The following GSDME variants were observed in gnomAD, a reference collection of about 807,000 sequenced individuals.
GSDME encodes gasdermin E.
In GSDME, 44 loss-of-function variants were observed where a neutral mutation model predicts 47.5. The observed-to-expected ratio is 0.93, with a 90% CI of 0.73 to 1.19. The LOEUF (loss-of-function observed/expected upper bound fraction) is 1.19. Ranked by LOEUF, GSDME falls within the 50% of genes most tolerant of loss-of-function variation. GSDME has a pLI of 0.00. For missense variants in GSDME, 663 were observed against 604.2 expected, an observed-to-expected ratio of 1.10 and a Z score of -1.02; for synonymous variants, 258 against 252.8, an observed-to-expected ratio of 1.02 and a Z score of -0.20.
At chr7:24,795,174 C>A in the GSDME span, among the ~76,000 whole-genome samples, 1 of 152,162 alleles carries the variant, frequency 6.6e-6, no homozygotes, top group African/African-American at 2.4e-5. Context: ...GCCTACCGTG[C>A]GCTGCTCTGG....
At position 24,698,680 on chromosome 7, in the gene GSDME, C is replaced by G. The variant is rs144928530; in HGVS notation, c.*346G>C. On this transcript the variant is annotated 3_prime_UTR_variant, in exon 10 of 10. Coordinates refer to ENST00000645220, the MANE Select transcript of GSDME (RefSeq NM_001127453.2). ...AGACCTTTTGGATTAAAGGGTCAGA[C>G]TCTTTCTATGTAACAAAAAGTGGAA... 6.9e-4 allele frequency: 247 copies of G among 355,528 alleles called. 3 individuals are homozygous for G. In the East Asian group the frequency reaches 0.013, roughly 19 times the overall value. 22.0% of individuals were successfully genotyped at this position (355,528 alleles called of 1,614,324 possible). A position where few individuals can be genotyped will look rare whatever the true frequency, so the allele number is the denominator to read the frequency against.
rs946857097 is a variant in GSDME, at chr7:24,757,100, C to G, written c.-20+296G>C. 6.6e-6 allele frequency among the ~76,000 whole-genome samples: 1 copy of G among 151,454 alleles called. No homozygotes were observed. The highest frequency in any genetic ancestry group is 1.5e-5 in the Non-Finnish European group (1 of 67,868). On this transcript the variant is annotated intron_variant, in intron 1 of 9. Transcript: ENST00000645220. The surrounding 1 kb of genome is among the most constrained non-coding windows in gnomAD (Gnocchi z 5.9). The stretch of plus-strand genomic sequence containing the variant: ...CAACATCCAAGGAAGGAAGTGGCAG[C>G]GGGGACGGGGAGAGGATGGGAAGGG...
chr7:24,699,570 C>T (rs934064006), intron 9 of GSDME, among the ~76,000 whole-genome samples: 3 of 152,176 alleles, frequency 2.0e-5, no homozygotes, highest in African/African-American at 7.2e-5. Flanking sequence ...AAATTCCTGA[C>T]CTCAGGTGAT....
chr7:24,703,163 A>G (rs1389431630), intron 8 of GSDME: 1 of 359,974 alleles, frequency 2.8e-6, no homozygotes, highest in Non-Finnish European at 5.4e-6. Context: ...TGGTGACAGA[A>G]GAGTGATGTT....
rs932602115 is a variant in GSDME at position 24,716,067 on chromosome 7, G to A, written c.697+1187C>T. Among the ~76,000 whole-genome samples, 2 of 152,196 alleles carry A rather than the reference G, an allele frequency of 1.3e-5. No individual in the cohort carries two copies. The highest frequency in any genetic ancestry group is 4.8e-5 in the African/African-American group (2 of 41,434). On this transcript the variant is annotated intron_variant, in intron 5 of 9. Transcript: ENST00000645220. This position sits in a 1 kb window ranked among gnomAD's most constrained non-coding sequence, Gnocchi z 4.5. ...TAGTGACTCATGTGGGCTTAGCGAG[G>A]GCAGGAGCTGTCTCACGGGAGACTG...
upstream of GSDME, among the ~76,000 whole-genome samples, chr7:24,758,930 C>A (rs1354285518): frequency 1.3e-5 from 2 of 152,180 alleles, no homozygotes; most frequent in Admixed American, 6.5e-5. This position sits in a 1 kb window ranked among gnomAD's most constrained non-coding sequence, Gnocchi z 4.6. Context: ...TGGTAGCTAT[C>A]CAGTAAATAA....
At chr7:24,790,200 T>G in the GSDME span, among the ~76,000 whole-genome samples, 2 of 152,254 alleles carry the variant, frequency 1.3e-5, no homozygotes, top group African/African-American at 4.8e-5. The surrounding 1 kb of genome is among the most constrained non-coding windows in gnomAD (Gnocchi z 4.1). Flanking sequence ...ATTTCTCATC[T>G]GAGTTTCTTG....
intron 7 of GSDME, chr7:24,707,154 G>C: frequency 5.5e-6 from 2 of 366,614 alleles, no homozygotes; most frequent in Non-Finnish European, 1.1e-5. Context: ...AGGCTCTTTC[G>C]GCACAATCTA....
intron 9 of GSDME, chr7:24,702,452 G>A (rs1788907730): frequency 2.7e-6 from 1 of 365,636 alleles, no homozygotes. Context: ...TTATTGTAAT[G>A]TAACACCAAA....
At chr7:24,711,034 A>C (rs975613478) in intron 5 of GSDME, among the ~76,000 whole-genome samples, 1 of 152,296 alleles carries the variant, frequency 6.6e-6, no homozygotes, top group East Asian at 1.9e-4. Flanking sequence ...ATATTTACAG[A>C]TGAAACAATA....
chr7:24,783,726 G>C, the GSDME span, among the ~76,000 whole-genome samples: 1 of 152,190 alleles, frequency 6.6e-6, no homozygotes, highest in Admixed American at 6.5e-5. Context: ...GGGGCTGAGG[G>C]AGGGGAACTT....
At position 24,749,420 on chromosome 7, in the gene GSDME, T is replaced by C. The variant is rs1790780337; in HGVS notation, c.211+144A>G. 25 of 715,550 alleles carry C rather than the reference T, an allele frequency of 3.5e-5. No individual in the cohort carries two copies. The South Asian group carries it at 3.5e-4, about 10-fold the overall frequency. 44.3% of individuals were successfully genotyped at this position (715,550 alleles called of 1,614,324 possible). ...AGGGGGCTGAGGCAGGAGAATCACC[T>C]GAACCTGGGAGGCAGAGGTTGCAAT... On this transcript the variant is annotated intron_variant, in intron 2 of 9. Transcript: ENST00000645220.
At chr7:24,794,790 T>G in the GSDME span, among the ~76,000 whole-genome samples, 6 of 152,058 alleles carry the variant, frequency 3.9e-5, no homozygotes, top group African/African-American at 1.2e-4. Flanking sequence ...AAAACAACAC[T>G]CTTACCACAA....
chr7:24,701,276 G>A (rs1469113803), intron 9 of GSDME, among the ~76,000 whole-genome samples: 1 of 152,346 alleles, frequency 6.6e-6, no homozygotes, highest in South Asian at 2.1e-4. Context: ...TACAGAAAAA[G>A]GAGGTCTTTG....
rs1789793980 is a variant in GSDME at position 24,721,693 on chromosome 7, G to A, written c.405-2475C>T. The stretch of plus-strand genomic sequence containing the variant: ...GGCTCACAAAACAAAGCCACAGTGT[G>A]TGCCCTGCATGGGAATTATGGGGCA... On this transcript the variant is annotated intron_variant, in intron 3 of 9. Coordinates refer to ENST00000645220, the MANE Select transcript of GSDME (RefSeq NM_001127453.2). The surrounding 1 kb of genome is among the most constrained non-coding windows in gnomAD (Gnocchi z 4.1). 6.6e-6 allele frequency among the ~76,000 whole-genome samples: 1 copy of A among 152,190 alleles called. No individual in the cohort carries two copies. Among genetic ancestry groups the A allele is most frequent in the Non-Finnish European group, 1.5e-5 (1 of 68,028 alleles).
chr7:24,709,424 A>G (rs935329075), intron 6 of GSDME, among the ~76,000 whole-genome samples: 1 of 152,182 alleles, frequency 6.6e-6, no homozygotes, highest in Non-Finnish European at 1.5e-5. Flanking sequence ...CTTATATTAA[A>G]ATTGGGCCTT....
rs368190433 is a variant in GSDME, at chr7:24,752,188, C to T, written c.-19-2395G>A. ...GGGTTACCAGTGAGCTTGAGATGGC[C>T]CAGGAGACATTGTGTTGTATTGATC... is the stretch of plus-strand genomic sequence containing the variant. On this transcript the variant is annotated intron_variant, in intron 1 of 9. Coordinates refer to ENST00000645220, the MANE Select transcript of GSDME (RefSeq NM_001127453.2). Among the ~76,000 whole-genome samples, 14 of 152,198 alleles carry T rather than the reference C, an allele frequency of 9.2e-5. 1 individual carries two copies. The highest frequency in any genetic ancestry group is 7.2e-4 in the Admixed American group (11 of 15,294).
rs1790313536 is a variant in GSDME at position 24,736,576 on chromosome 7, G to T, written c.404+7986C>A. Among the ~76,000 whole-genome samples, 1 of 152,170 alleles carries T rather than the reference G, an allele frequency of 6.6e-6. No homozygotes were observed. Among genetic ancestry groups the T allele is most frequent in the African/African-American group, 2.4e-5 (1 of 41,440 alleles). On this transcript the variant is annotated intron_variant, in intron 3 of 9. Transcript: ENST00000645220. The surrounding 1 kb of genome is among the most constrained non-coding windows in gnomAD (Gnocchi z 4.6). ...GGCCCCCAGTGCAGTAATACCTGGA[G>T]ACATCAACACCTAGCTTTCAGCATT...
chr7:24,719,179 C>G lies in GSDME; in HGVS notation c.444G>C (p.Leu148=), dbSNP rs1789683165. 3 of 1,613,300 alleles carry G rather than the reference C, an allele frequency of 1.9e-6. No individual in the cohort carries two copies. In the South Asian group the frequency reaches 3.3e-5, roughly 18 times the overall value. ...CGCACAGGACCTCATTCCTTCCTTC[C>G]AGCACCTGCTGGAGCACAGGGTTTC... The part of the protein sequence containing the change: ...NLRNPVLQQV[L]EGRNEVLCVL... The change falls in exon 4 of 10, where the codon CTG becomes CTC. Residue 148 remains leucine (L), a synonymous_variant. Transcript: ENST00000645220.
Sources: allele counts gnomAD v4.1 joint callset (sites outside exome capture counted in the v4.1 genomes callset), GRCh38; gene constraint gnomAD v4.1.1; non-coding constraint Gnocchi (gnomAD v3.1); transcripts MANE v1.5; gene names NCBI Gene and HGNC (gene_info 2026-07-23, HGNC 2026-07-21).